Variants in KCNH5 observed in about 807,000 individuals in gnomAD.
KCNH5 encodes potassium voltage-gated channel subfamily H member 5.
KCNH5 carries 46 observed loss-of-function variants against 96.1 expected under a neutral mutation model. That is an observed-to-expected ratio of 0.48 (90% confidence interval 0.38 to 0.61). The LOEUF (loss-of-function observed/expected upper bound fraction) is 0.61, where lower values mean the gene tolerates loss of function less well. Ranked by LOEUF, KCNH5 falls within the 20% of genes least tolerant of loss-of-function variation. The pLI, the probability that KCNH5 is intolerant of heterozygous loss-of-function variation, is 0.00. For missense variants in KCNH5, 907 were observed against 1,225.8 expected (o/e 0.74, Z 3.88); for synonymous variants, 439 against 449.8 (o/e 0.98, Z 0.30).
chr14:62,877,081 T>C (rs1566691355), intron 7 of KCNH5, among the ~76,000 whole-genome samples: 2 of 152,212 alleles, frequency 1.3e-5, no homozygotes, highest in Non-Finnish European at 1.5e-5. Context: ...TTCTGTTCCA[T>C]TGATCTATAT....
At chr14:62,792,106 A>C (rs145479900) in intron 9 of KCNH5, among the ~76,000 whole-genome samples, 2 of 151,744 alleles carry the variant, frequency 1.3e-5, no homozygotes, top group African/African-American at 4.8e-5. Flanking sequence ...AAAAAGGAAG[A>C]ACAGAAAGAA....
At chr14:62,888,134 A>G (rs966307131) in intron 7 of KCNH5, among the ~76,000 whole-genome samples, 1 of 152,210 alleles carries the variant, frequency 6.6e-6, no homozygotes, top group Non-Finnish European at 1.5e-5. Flanking sequence ...AATAAAACCT[A>G]TTTTATTAGA....
intron 7 of KCNH5, among the ~76,000 whole-genome samples, chr14:62,921,524 T>C (rs1354407018): frequency 6.6e-6 from 1 of 152,122 alleles, no homozygotes; most frequent in Non-Finnish European, 1.5e-5. Context: ...TGGAGATGAC[T>C]TCAGCCTGGT....
intron 2 of KCNH5, among the ~76,000 whole-genome samples, 195 bp downstream of exon 2, chr14:63,016,636 T>C (rs1373520389): frequency 1.3e-5 from 2 of 152,132 alleles, no homozygotes; most frequent in Non-Finnish European, 2.9e-5. Flanking sequence ...TATACAAATC[T>C]TTCTTTTGGC....
intron 7 of KCNH5, among the ~76,000 whole-genome samples, chr14:62,889,885 A>T (rs1431058955): frequency 6.6e-6 from 1 of 152,210 alleles, no homozygotes; most frequent in Non-Finnish European, 1.5e-5. Flanking sequence ...AAGTAGAAAA[A>T]TTAGAAGACG....
chr14:62,906,518 A>G (rs1357516273), intron 7 of KCNH5, among the ~76,000 whole-genome samples: 1 of 152,216 alleles, frequency 6.6e-6, no homozygotes, highest in Non-Finnish European at 1.5e-5. Flanking sequence ...ATTAAGAATG[A>G]GAATAATCTA....
intron 7 of KCNH5, among the ~76,000 whole-genome samples, chr14:62,927,985 C>T (rs1039845762): frequency 3.9e-5 from 6 of 152,078 alleles, no homozygotes; most frequent in Non-Finnish European, 8.8e-5. Context: ...CAGATTTCAT[C>T]CCGACACTGT....
intron 7 of KCNH5, among the ~76,000 whole-genome samples, chr14:62,928,414 A>G (rs570845938): frequency 1.3e-5 from 2 of 152,236 alleles, no homozygotes; most frequent in South Asian, 4.1e-4. Flanking sequence ...GAGCACCTGA[A>G]TAGAGGTTTC....
intron 10 of KCNH5, among the ~76,000 whole-genome samples, chr14:62,719,538 C>G (rs936020334): frequency 2.0e-5 from 3 of 152,224 alleles, no homozygotes; most frequent in Admixed American, 6.5e-5. Context: ...TTCACAACCA[C>G]TCCAGCGCAG....
intron 1 of KCNH5, among the ~76,000 whole-genome samples, chr14:63,034,516 C>T (rs961129089): frequency 2.6e-5 from 4 of 152,206 alleles, no homozygotes; most frequent in Admixed American, 2.0e-4. Flanking sequence ...AGCAAATGTG[C>T]AGACATACTT....
chr14:62,927,049 C>A (rs1016944088), intron 7 of KCNH5, among the ~76,000 whole-genome samples: 1 of 152,006 alleles, frequency 6.6e-6, no homozygotes, highest in African/African-American at 2.4e-5. Flanking sequence ...AAAAGCTCAA[C>A]AAGAAGAAAA....
intron 4 of KCNH5, among the ~76,000 whole-genome samples, chr14:62,992,761 A>T (rs991017333): frequency 6.6e-6 from 1 of 151,960 alleles, no homozygotes; most frequent in African/African-American, 2.4e-5. Context: ...TCCCTTCTTC[A>T]GGTCATCTGT....
At chr14:62,936,657 A>G (rs1490684640) in intron 7 of KCNH5, among the ~76,000 whole-genome samples, 2 of 121,760 alleles carry the variant, frequency 1.6e-5, no homozygotes, top group Non-Finnish European at 3.3e-5. Context: ...CCTTGGTGAT[A>G]GAGCGAGACC....
At chr14:62,734,741 T>C (rs1374624060) in intron 10 of KCNH5, among the ~76,000 whole-genome samples, 1 of 152,184 alleles carries the variant, frequency 6.6e-6, no homozygotes, top group Non-Finnish European at 1.5e-5. Flanking sequence ...AAACTTTAAG[T>C]GCTCTAAGGC....
chr14:62,991,905 G>A (rs1463182273), intron 4 of KCNH5, among the ~76,000 whole-genome samples: 1 of 151,854 alleles, frequency 6.6e-6, no homozygotes, highest in Non-Finnish European at 1.5e-5. Flanking sequence ...TAATGGTCAG[G>A]GCTTTTAGGG....
At chr14:62,900,475 G>A (rs1161963275) in intron 7 of KCNH5, among the ~76,000 whole-genome samples, 1 of 152,018 alleles carries the variant, frequency 6.6e-6, no homozygotes, top group African/African-American at 2.4e-5. Flanking sequence ...AAATAAAAAA[G>A]TAGACATTAT....
intron 8 of KCNH5, among the ~76,000 whole-genome samples, chr14:62,802,791 C>T (rs1176171294): frequency 6.6e-6 from 1 of 152,142 alleles, no homozygotes; most frequent in Non-Finnish European, 1.5e-5. Flanking sequence ...GCATATGGAC[C>T]ATGACAATGC....
chr14:63,009,679 T>A (rs938339872), intron 2 of KCNH5, among the ~76,000 whole-genome samples: 1 of 152,164 alleles, frequency 6.6e-6, no homozygotes, highest in African/African-American at 2.4e-5. Flanking sequence ...GTTAATTCAA[T>A]CTCTGAAAGT....
chr14:62,819,121 C>T (rs1434235387), intron 8 of KCNH5, among the ~76,000 whole-genome samples: 3 of 152,200 alleles, frequency 2.0e-5, no homozygotes, highest in Non-Finnish European at 2.9e-5. Context: ...TGCCCGCCAC[C>T]ACGCCCAGCT....
Sources: allele counts gnomAD v4.1 joint callset (sites outside exome capture counted in the v4.1 genomes callset), GRCh38; gene constraint gnomAD v4.1.1; transcripts MANE v1.5; gene names NCBI Gene and HGNC (gene_info 2026-07-23, HGNC 2026-07-21).